Variants in TMPRSS11A observed in about 807,000 individuals in gnomAD.
The protein encoded by TMPRSS11A is transmembrane serine protease 11A.
TMPRSS11A carries 53 observed loss-of-function variants against 58.9 expected under a neutral mutation model. The observed-to-expected ratio is 0.90, with a 90% CI of 0.72 to 1.13. The LOEUF (loss-of-function observed/expected upper bound fraction) is 1.13. TMPRSS11A is among the 50% of genes most tolerant of loss of function. The probability of loss-of-function intolerance (pLI) is 0.00; values close to 1 mark genes in which losing one functional copy is unlikely to be tolerated. For missense variants in TMPRSS11A, 493 were observed against 499.3 expected (o/e 0.99, Z 0.12); for synonymous variants, 167 against 169.8 (o/e 0.98, Z 0.13).
chr4:67,918,903 A>G (rs900204360), intron 8 of TMPRSS11A, 70 bp downstream of exon 8: 6 of 1,547,582 alleles, frequency 3.9e-6, no homozygotes, highest in Non-Finnish European at 4.4e-6. Context: ...TCAGGATAAT[A>G]TTGATGGAGA....
chr4:67,949,837 C>T (rs183895998), intron 1 of TMPRSS11A, among the ~76,000 whole-genome samples: 6 of 152,146 alleles, frequency 3.9e-5, no homozygotes, highest in Admixed American at 6.5e-5. Context: ...CCAGCCTGGG[C>T]GACTGGGAGA....
At chr4:67,945,132 C>A (rs1720971423) in intron 2 of TMPRSS11A, among the ~76,000 whole-genome samples, 1 of 151,958 alleles carries the variant, frequency 6.6e-6, no homozygotes, top group South Asian at 2.1e-4. Context: ...GCCAGGCACA[C>A]TAAGAAAAAC....
At chr4:67,917,887 A>G (rs7697339) in intron 8 of TMPRSS11A, among the ~76,000 whole-genome samples, 49,831 of 152,030 alleles carry the variant, frequency 0.33, 8,593 homozygotes, top group Non-Finnish European at 0.38. Context: ...CAGCAGCACT[A>G]GATCTACTAG....
At chr4:67,951,172 T>C (rs557733492) in intron 1 of TMPRSS11A, among the ~76,000 whole-genome samples, 1 of 152,232 alleles carries the variant, frequency 6.6e-6, no homozygotes, top group Non-Finnish European at 1.5e-5. Flanking sequence ...CATTAGACCT[T>C]CATTCAGTTT....
chr4:67,927,428 A>T (rs1720502603), intron 5 of TMPRSS11A, among the ~76,000 whole-genome samples: 1 of 152,164 alleles, frequency 6.6e-6, no homozygotes, highest in South Asian at 2.1e-4. Context: ...TCACAGAGAG[A>T]CAGCACACCT....
rs551115848 is a variant in TMPRSS11A, at chr4:67,963,433, C to T, written c.-40G>A. On this transcript the variant is annotated 5_prime_UTR_variant, in exon 1 of 10. It adds an upstream start codon to the 5' untranslated region. Transcript: ENST00000508048. Reference sequence around the variant, plus strand: ...ATATGATCTTGCAGGTCTGCACCCACTGAACTCAACTTTCTAATCAACTAT... The same window carrying T: ...ATATGATCTTGCAGGTCTGCACCCATTGAACTCAACTTTCTAATCAACTAT... The T allele has an allele frequency of 1.6e-5, 26 of 1,609,960 alleles. No individual in the cohort carries two copies. The highest frequency in any genetic ancestry group is 1.4e-4 in the Admixed American group (8 of 59,200).
At chr4:67,935,011 A>G (rs75255681) in intron 3 of TMPRSS11A, among the ~76,000 whole-genome samples, 3,327 of 152,182 alleles carry the variant, frequency 0.022, 126 homozygotes, top group African/African-American at 0.075. Context: ...AACCAAAACC[A>G]TGCTGTGAAA....
chr4:67,916,540 C>A (rs1720151903), intron 8 of TMPRSS11A, among the ~76,000 whole-genome samples: 1 of 151,930 alleles, frequency 6.6e-6, no homozygotes, highest in East Asian at 1.9e-4. Context: ...TAAAAACATT[C>A]ATGGCCTGGC....
chr4:67,945,447 C>G (rs6552131), intron 2 of TMPRSS11A, among the ~76,000 whole-genome samples: 100,725 of 152,128 alleles, frequency 0.66, 37,220 homozygotes, highest in Non-Finnish European at 0.83. Flanking sequence ...AGTGGGAAAT[C>G]TCTGGACCTT....
chr4:67,953,728 G>A (rs1418739669), intron 1 of TMPRSS11A, among the ~76,000 whole-genome samples: 3 of 151,994 alleles, frequency 2.0e-5, no homozygotes, highest in Admixed American at 2.0e-4. Context: ...GACCCAGGAG[G>A]CAGAGTTTGC....
At chr4:67,958,067 T>G (rs1324441765) in intron 1 of TMPRSS11A, among the ~76,000 whole-genome samples, 4 of 152,082 alleles carry the variant, frequency 2.6e-5, no homozygotes, top group African/African-American at 7.2e-5. Context: ...TTTCAGAGGA[T>G]GTATGGAAAT....
chr4:67,933,258 C>T (rs150043572), intron 3 of TMPRSS11A, among the ~76,000 whole-genome samples: 10 of 152,172 alleles, frequency 6.6e-5, no homozygotes, highest in Admixed American at 2.6e-4. Flanking sequence ...GACAATTCTG[C>T]GAAGAAGTAT....
intron 1 of TMPRSS11A, among the ~76,000 whole-genome samples, chr4:67,949,391 G>A (rs1721103110): frequency 6.6e-6 from 1 of 152,224 alleles, no homozygotes; most frequent in South Asian, 2.1e-4. Context: ...GTGATAAGTT[G>A]TTAGAGTGTT....
At position 67,941,218 on chromosome 4, in the gene TMPRSS11A, A is replaced by G. The variant is rs187866373; in HGVS notation, c.252+3301T>C. 5.9e-5 allele frequency among the ~76,000 whole-genome samples: 9 copies of G among 152,276 alleles called. 1 individual carries two copies. Among genetic ancestry groups the G allele is most frequent in the Admixed American group, 4.6e-4 (7 of 15,298 alleles). ...TGCAACCTGTCTTCCTTGGTTGTCT[A>G]ATTAGCACCCATATAGGACAGAGAG... is the stretch of plus-strand genomic sequence containing the variant. On this transcript the variant is annotated intron_variant, in intron 3 of 9. Transcript: ENST00000508048.
chr4:67,928,105 C>T (rs909393279), intron 5 of TMPRSS11A, among the ~76,000 whole-genome samples: 19 of 152,254 alleles, frequency 1.2e-4, no homozygotes, highest in African/African-American at 2.4e-4. Context: ...AGTGCAGTGG[C>T]GCGATCTTGG....
rs1721418705 is a variant in TMPRSS11A, at chr4:67,961,482, C to CTTTTTTTTTTTTTTTTTTTTTTTTTTTTT, written c.11+1900_11+1901insAAAAAAAAAAAAAAAAAAAAAAAAAAAAA. ...CTTTTCTTTCCTTTCCTTTTCTTTT[C>CTTTTTTTTTTTTTTTTTTTTTTTTTTTTT]CTTTTTTTTTTTTTTTTTTTTTTTT... On this transcript the variant is annotated intron_variant, in intron 1 of 9. Coordinates refer to ENST00000508048, the MANE Select transcript of TMPRSS11A (RefSeq NM_001114387.2). Among the ~76,000 whole-genome samples the CTTTTTTTTTTTTTTTTTTTTTTTTTTTTT allele has an allele frequency of 3.9e-5, 4 of 102,454 alleles. 2 individuals are homozygous for CTTTTTTTTTTTTTTTTTTTTTTTTTTTTT. The highest frequency in any genetic ancestry group is 1.9e-4 in the African/African-American group (4 of 20,958). The allele number at this position is 102,454 out of a possible 152,430, so 67.2% of individuals were successfully genotyped here. A position where few individuals can be genotyped will look rare whatever the true frequency, so the allele number is the denominator to read the frequency against.
chr4:67,945,881 A>G (rs529149293), intron 2 of TMPRSS11A, among the ~76,000 whole-genome samples: 1 of 152,366 alleles, frequency 6.6e-6, no homozygotes, highest in Non-Finnish European at 1.5e-5. Flanking sequence ...TGATAAAAAT[A>G]TAATCCCTGA....
intron 1 of TMPRSS11A, among the ~76,000 whole-genome samples, chr4:67,956,115 T>C (rs958697845): frequency 6.6e-6 from 1 of 152,118 alleles, no homozygotes; most frequent in Non-Finnish European, 1.5e-5. Flanking sequence ...TACCTAGAGA[T>C]GTAAAGCCAT....
intron 7 of TMPRSS11A, among the ~76,000 whole-genome samples, chr4:67,920,547 A>ATG (rs1252687414): frequency 8.7e-5 from 7 of 80,122 alleles, no homozygotes; most frequent in Non-Finnish European, 1.5e-4. Context: ...ATATATATAT[A>ATG]TATTTTTTTT....
Sources: gnomAD v4.1 joint callset for allele counts (sites outside exome capture counted in the v4.1 genomes callset) on GRCh38, gnomAD v4.1.1 for gene constraint, MANE v1.5 for transcripts, NCBI Gene and HGNC (gene_info 2026-07-23, HGNC 2026-07-21) for gene names.